Variants in PDE3A observed in about 807,000 individuals in gnomAD.
PDE3A encodes phosphodiesterase 3A.
In PDE3A, 43 loss-of-function variants were observed where a neutral mutation model predicts 98.3. The observed-to-expected ratio is 0.44, with a 90% CI of 0.34 to 0.56. PDE3A has a LOEUF of 0.56. PDE3A is among the 20% of genes least tolerant of loss of function. The probability of loss-of-function intolerance (pLI) is 0.01; values close to 1 mark genes in which losing one functional copy is unlikely to be tolerated. For missense variants in PDE3A, 1,427 were observed against 1,440.7 expected, an observed-to-expected ratio of 0.99 and a Z score of 0.15; for synonymous variants, 663 against 567.9, an observed-to-expected ratio of 1.17 and a Z score of -2.38.
At chr12:20,615,426 T>TAA (rs1256755149) in intron 3 of PDE3A, among the ~76,000 whole-genome samples, 3 of 152,164 alleles carry the variant, frequency 2.0e-5, no homozygotes, top group African/African-American at 7.2e-5. Flanking sequence ...ACATTAATCA[T>TAA]AAGAGAAGTG....
At chr12:20,430,078 A>G (rs1056660265) in intron 1 of PDE3A, among the ~76,000 whole-genome samples, 1 of 152,162 alleles carries the variant, frequency 6.6e-6, no homozygotes, top group Non-Finnish European at 1.5e-5. Flanking sequence ...ATGGTATTTA[A>G]CTGTTTGCCA....
chr12:20,650,106 G>T (rs748977985), intron 13 of PDE3A, among the ~76,000 whole-genome samples: 1 of 151,956 alleles, frequency 6.6e-6, no homozygotes. Context: ...AGTAAATGGG[G>T]TATCTGTCAC....
At chr12:20,623,084 G>C (rs1944175571) in intron 5 of PDE3A, among the ~76,000 whole-genome samples, 1 of 152,086 alleles carries the variant, frequency 6.6e-6, no homozygotes, top group Non-Finnish European at 1.5e-5. Context: ...GTAACTTTTG[G>C]AAATGTAGTC....
intron 1 of PDE3A, among the ~76,000 whole-genome samples, chr12:20,468,448 C>A (rs1262430845): frequency 6.6e-6 from 1 of 152,120 alleles, no homozygotes; most frequent in Admixed American, 6.6e-5. Context: ...TGATTGTAAA[C>A]ATTAAATTAA....
At chr12:20,474,833 A>T (rs1945499800) in intron 1 of PDE3A, among the ~76,000 whole-genome samples, 1 of 152,196 alleles carries the variant, frequency 6.6e-6, no homozygotes, top group South Asian at 2.1e-4. Context: ...TCCCTATCTC[A>T]AAATCCTTAA....
At chr12:20,491,224 C>T (rs1376290773) in intron 1 of PDE3A, among the ~76,000 whole-genome samples, 1 of 152,208 alleles carries the variant, frequency 6.6e-6, no homozygotes, top group African/African-American at 2.4e-5. Flanking sequence ...CGAAAGTGAA[C>T]ATCTAGCAGT....
chr12:20,510,919 A>C (rs775383458), intron 1 of PDE3A, among the ~76,000 whole-genome samples: 1 of 152,030 alleles, frequency 6.6e-6, no homozygotes, highest in African/African-American at 2.4e-5. Context: ...TCCATGTGCC[A>C]TGTTCTGTGT....
chr12:20,502,165 G>A (rs1475138325), intron 1 of PDE3A, among the ~76,000 whole-genome samples: 3 of 152,036 alleles, frequency 2.0e-5, no homozygotes, highest in East Asian at 1.9e-4. Context: ...ATTAAATCAC[G>A]TGACTGACTC....
In PDE3A at chr12:20,562,469, C is replaced by T. The variant is rs536308774; in HGVS notation, c.1011+5759C>T. Among the ~76,000 whole-genome samples the T allele has an allele frequency of 1.9e-4, 29 of 151,828 alleles. 1 individual carries two copies. In the East Asian group the frequency reaches 3.3e-3, roughly 17 times the overall value. On this transcript the variant is annotated intron_variant, in intron 2 of 15. Coordinates refer to ENST00000359062, the MANE Select transcript of PDE3A (RefSeq NM_000921.5). The stretch of plus-strand genomic sequence containing the variant: ...TCCTGACCTCGTGATCCGCCTGCCT[C>T]GGCCTCCCAAAGTACTGGGATTACA...
chr12:20,422,261 G>A (rs1300756230), intron 1 of PDE3A, among the ~76,000 whole-genome samples: 1 of 151,956 alleles, frequency 6.6e-6, no homozygotes, highest in Non-Finnish European at 1.5e-5. Context: ...GGAGAATGGC[G>A]TGAACCCGGG....
chr12:20,516,883 G>T, intron 1 of PDE3A, among the ~76,000 whole-genome samples: 1 of 152,164 alleles, frequency 6.6e-6, no homozygotes, highest in East Asian at 1.9e-4. Flanking sequence ...ATTTTATTCT[G>T]TGAGGCTAAA....
chr12:20,601,972 C>A (rs1943604295), intron 2 of PDE3A, among the ~76,000 whole-genome samples: 1 of 152,148 alleles, frequency 6.6e-6, no homozygotes, highest in Non-Finnish European at 1.5e-5. Flanking sequence ...AAGACCAGCC[C>A]ACATTTATCA....
chr12:20,368,801 CTGCA>C lies in PDE3A; in HGVS notation c.-483_-480del, dbSNP rs1943395313. Among the ~76,000 whole-genome samples the C allele has an allele frequency of 6.6e-6, 1 of 151,802 alleles. No individual in the cohort carries two copies. The highest frequency in any genetic ancestry group is 6.5e-5 in the Admixed American group (1 of 15,274). On this transcript the variant is annotated 5_prime_UTR_variant, in exon 1 of 16. An upstream open reading frame in the 5' UTR gains an earlier in-frame stop. Transcript: ENST00000359062. ...CTCCATCTGCCGCGGGCCCGGCGCGCTGCAGCGCAGCGCAGCGCCGAGCTGCGCC... is the reference window on the plus strand; with the variant it reads ...CTCCATCTGCCGCGGGCCCGGCGCGCGCGCAGCGCAGCGCCGAGCTGCGCC...
intron 15 of PDE3A, among the ~76,000 whole-genome samples, chr12:20,660,175 G>T (rs78800323): frequency 0.016 from 2,399 of 152,232 alleles, 28 homozygotes; most frequent in Middle Eastern, 0.027. Flanking sequence ...CCTTTCCTTG[G>T]CACTTCTCTC....
At chr12:20,477,913 T>C (rs1465139118) in intron 1 of PDE3A, among the ~76,000 whole-genome samples, 1 of 152,190 alleles carries the variant, frequency 6.6e-6, no homozygotes, top group African/African-American at 2.4e-5. Flanking sequence ...CCTTTCTCCT[T>C]GTCACCAGAG....
chr12:20,389,603 A>T (rs187014400), intron 1 of PDE3A, among the ~76,000 whole-genome samples: 81 of 152,112 alleles, frequency 5.3e-4, no homozygotes, highest in Admixed American at 5.1e-3. Flanking sequence ...TGCCCACAAC[A>T]TCCCAGAAAA....
At chr12:20,452,489 T>C (rs1945082670) in intron 1 of PDE3A, among the ~76,000 whole-genome samples, 1 of 152,208 alleles carries the variant, frequency 6.6e-6, no homozygotes, top group African/African-American at 2.4e-5. Flanking sequence ...CTCTTCTCCT[T>C]TTTCAGATTA....
At chr12:20,428,575 C>G (rs1286163596) in intron 1 of PDE3A, among the ~76,000 whole-genome samples, 1 of 151,954 alleles carries the variant, frequency 6.6e-6, no homozygotes, top group East Asian at 1.9e-4. Context: ...GCCACCATGC[C>G]CGGCCTAAAA....
intron 1 of PDE3A, among the ~76,000 whole-genome samples, chr12:20,508,533 G>GAA (rs983605749): frequency 6.6e-6 from 1 of 151,156 alleles, no homozygotes; most frequent in African/African-American, 2.4e-5. Context: ...AATTTGATCA[G>GAA]AAAAAAATGC....
Sources: allele counts gnomAD v4.1 joint callset (sites outside exome capture counted in the v4.1 genomes callset), GRCh38; gene constraint gnomAD v4.1.1; transcripts MANE v1.5; gene names NCBI Gene and HGNC (gene_info 2026-07-23, HGNC 2026-07-21).